The following SLC8A1 variants were observed in gnomAD, a reference collection of about 807,000 sequenced individuals.
SLC8A1 encodes the protein sodium/calcium exchanger 1.
A neutral mutation model predicts 68.3 loss-of-function variants in SLC8A1; 18 were observed. The ratio of observed to expected loss-of-function variants is 0.26; its 90% CI spans 0.18 to 0.39. SLC8A1 has a LOEUF of 0.39. SLC8A1 is among the 10% of genes least tolerant of loss of function. SLC8A1 has a pLI of 1.00. For synonymous variants in SLC8A1, 475 were observed against 415.5 expected (o/e 1.14, Z -1.74); for missense variants, 985 against 1,156.7 (o/e 0.85, Z 2.15).
intron 2 of SLC8A1, among the ~76,000 whole-genome samples, chr2:40,304,707 T>G (rs1341235336): frequency 6.6e-6 from 1 of 152,128 alleles, no homozygotes; most frequent in African/African-American, 2.4e-5. Context: ...GTCTGCTCAC[T>G]GATCACCTCC....
intron 2 of SLC8A1, among the ~76,000 whole-genome samples, chr2:40,247,580 T>C (rs2062057395): frequency 6.6e-6 from 1 of 152,142 alleles, no homozygotes; most frequent in African/African-American, 2.4e-5. Flanking sequence ...GGCATATAAG[T>C]CACGTGTCAC....
chr2:40,112,632 A>T (rs571842232), exon 8 of SLC8A1: 2 of 149,346 alleles, frequency 1.3e-5, no homozygotes, highest in Non-Finnish European at 3.0e-5. Context: ...TGGTGCTTCT[A>T]GGCTAGCTTT....
chr2:40,362,531 A>G (rs1458008285), intron 2 of SLC8A1, among the ~76,000 whole-genome samples: 1 of 152,174 alleles, frequency 6.6e-6, no homozygotes, highest in Non-Finnish European at 1.5e-5. Flanking sequence ...AAAATGCTAC[A>G]CCACTTACCA....
intron 2 of SLC8A1, among the ~76,000 whole-genome samples, chr2:40,299,105 G>C (rs1488270968): frequency 6.6e-6 from 1 of 152,122 alleles, no homozygotes; most frequent in Non-Finnish European, 1.5e-5. Context: ...TTCTCACCAA[G>C]TGACCTGGAT....
chr2:40,335,651 G>A (rs1665725806), intron 2 of SLC8A1, among the ~76,000 whole-genome samples: 1 of 152,226 alleles, frequency 6.6e-6, no homozygotes, highest in Non-Finnish European at 1.5e-5. Flanking sequence ...GAACAGAAAT[G>A]GGTGTTTTCC....
intron 2 of SLC8A1, among the ~76,000 whole-genome samples, chr2:40,223,399 G>A (rs1370588865): frequency 6.6e-6 from 1 of 152,036 alleles, no homozygotes; most frequent in Non-Finnish European, 1.5e-5. Context: ...ATAGCAGTAG[G>A]AGGCATACCT....
chr2:40,310,489 C>T (rs1261323120), intron 2 of SLC8A1, among the ~76,000 whole-genome samples: 1 of 152,198 alleles, frequency 6.6e-6, no homozygotes, highest in African/African-American at 2.4e-5. Flanking sequence ...GAGAAGAGGT[C>T]AGTGGCCAGG....
At chr2:40,133,701 TCC>T (rs111377369) in intron 7 of SLC8A1, among the ~76,000 whole-genome samples, 9 of 53,044 alleles carry the variant, frequency 1.7e-4, no homozygotes, top group African/African-American at 4.9e-4. Flanking sequence ...GGGGCAAAAA[TCC>T]CCCCCCCCCA....
intron 7 of SLC8A1, among the ~76,000 whole-genome samples, chr2:40,130,053 G>A (rs1265444454): frequency 6.6e-6 from 1 of 152,150 alleles, no homozygotes; most frequent in African/African-American, 2.4e-5. Flanking sequence ...AATGCCAGGT[G>A]CCCATGCAGT....
At chr2:40,276,375 G>C (rs2066699360) in intron 2 of SLC8A1, among the ~76,000 whole-genome samples, 1 of 152,192 alleles carries the variant, frequency 6.6e-6, no homozygotes. Context: ...GAGATTGTTA[G>C]CATTCATATC....
intron 2 of SLC8A1, among the ~76,000 whole-genome samples, chr2:40,224,802 C>A (rs779065954): frequency 6.6e-6 from 1 of 152,032 alleles, no homozygotes; most frequent in African/African-American, 2.4e-5. Flanking sequence ...TGACAAAGGT[C>A]TAATATCCAG....
chr2:40,278,777 C>A (rs1417228161), intron 2 of SLC8A1, among the ~76,000 whole-genome samples: 2 of 146,200 alleles, frequency 1.4e-5, no homozygotes, highest in African/African-American at 5.0e-5. Flanking sequence ...TCTACTAATG[C>A]CACAATGAAA....
At chr2:40,266,103 A>C (rs1035997364) in intron 2 of SLC8A1, among the ~76,000 whole-genome samples, 4 of 152,172 alleles carry the variant, frequency 2.6e-5, no homozygotes, top group African/African-American at 9.7e-5. Context: ...TGAGTTTAAA[A>C]ATTTTCTAGA....
chr2:40,117,995 C>T (rs1485856420), intron 7 of SLC8A1, among the ~76,000 whole-genome samples: 1 of 152,120 alleles, frequency 6.6e-6, no homozygotes, highest in African/African-American at 2.4e-5. Context: ...TCAATTCTGC[C>T]CTCTGCCTGT....
At chr2:40,170,283 G>GCAAT (rs2047240310) in intron 4 of SLC8A1, 1 of 1,613,492 alleles carries the variant, frequency 6.2e-7, no homozygotes, top group Non-Finnish European at 8.5e-7. Context: ...ATGAGTACCT[G>GCAAT]CAATGGTGAT....
chr2:40,375,253 G>A (rs1205473804), intron 2 of SLC8A1, among the ~76,000 whole-genome samples: 1 of 152,060 alleles, frequency 6.6e-6, no homozygotes, highest in East Asian at 1.9e-4. Context: ...CATAAACACA[G>A]ATATTAGTAC....
chr2:40,339,868 T>C (rs1667142913), intron 2 of SLC8A1, among the ~76,000 whole-genome samples: 1 of 152,192 alleles, frequency 6.6e-6, no homozygotes, highest in Non-Finnish European at 1.5e-5. Flanking sequence ...AAAACAAATA[T>C]TCAAAATGCA....
chr2:40,133,267 C>G (rs2039759295), intron 7 of SLC8A1, among the ~76,000 whole-genome samples: 1 of 152,024 alleles, frequency 6.6e-6, no homozygotes, highest in Non-Finnish European at 1.5e-5. Context: ...ACCAGGGTAA[C>G]CAGTTTTATA....
At chr2:40,488,460 G>GTA (rs145257077) in intron 1 of SLC8A1, among the ~76,000 whole-genome samples, 2 of 151,928 alleles carry the variant, frequency 1.3e-5, no homozygotes, top group East Asian at 3.9e-4. Flanking sequence ...GTTTGTGTGT[G>GTA]TGTGTGTGTG....
Sources: gnomAD v4.1 joint callset for allele counts (sites outside exome capture counted in the v4.1 genomes callset) on GRCh38, gnomAD v4.1.1 for gene constraint, MANE v1.5 for transcripts, NCBI Gene and HGNC (gene_info 2026-07-23, HGNC 2026-07-21) for gene names.